Variants in ZP1 observed in about 807,000 individuals in gnomAD.
ZP1 encodes zona pellucida glycoprotein 1.
A neutral mutation model predicts 67.4 loss-of-function variants in ZP1; 58 were observed. The observed-to-expected ratio is 0.86, with a 90% CI of 0.70 to 1.07. The LOEUF is 1.07. ZP1 is among the 50% of genes least tolerant of loss of function. The probability of loss-of-function intolerance (pLI) is 0.00; values close to 1 mark genes in which losing one functional copy is unlikely to be tolerated. For synonymous variants in ZP1, 333 were observed against 332.7 expected, an observed-to-expected ratio of 1.00 and a Z score of -0.01; for missense variants, 759 against 807.3, an observed-to-expected ratio of 0.94 and a Z score of 0.72.
chr11:60,870,684 A>G, intron 4 of ZP1: 1 of 690,840 alleles, frequency 1.4e-6, no homozygotes, highest in Admixed American at 3.0e-5. Context: ...TAATAGATCT[A>G]CCTTACACAC....
intron 1 of ZP1, among the ~76,000 whole-genome samples, chr11:60,868,823 G>C (rs992136419): frequency 6.6e-5 from 10 of 152,204 alleles, no homozygotes; most frequent in Admixed American, 6.5e-5. Context: ...AAGCTTAAAA[G>C]AAGTGATGTG....
chr11:60,870,735 A>C, intron 4 of ZP1: 1 of 671,632 alleles, frequency 1.5e-6, no homozygotes, highest in South Asian at 2.0e-5. Flanking sequence ...TTTGGATGAC[A>C]GATTATATGG....
At chr11:60,872,942 G>C (rs949469681) in intron 6 of ZP1, among the ~76,000 whole-genome samples, 4 of 152,192 alleles carry the variant, frequency 2.6e-5, no homozygotes, top group African/African-American at 9.7e-5. Context: ...GGCATAACAG[G>C]CTTGAGCCAT....
intron 2 of ZP1, 112 bp from the exon 3 acceptor site, chr11:60,869,425 C>T: frequency 6.7e-7 from 1 of 1,496,806 alleles, no homozygotes; most frequent in Non-Finnish European, 8.9e-7. Context: ...TGGAATCCAC[C>T]ATGAATCCAG....
chr11:60,875,162 C>T lies in ZP1; in HGVS notation c.1688C>T (p.Thr563Ile), dbSNP rs1287056685. Reference protein sequence around the residue: ...QRRSSGHRNDTARPQDIVSSP... With the variant: ...QRRSSGHRNDIARPQDIVSSP... ...CGATCCTCAGGTCACCGTAATGACA[C>T]TGCCAGGCCCCAGGACATCGTGAGC... The change falls in exon 11 of 12, where the codon ACT (threonine) becomes ATT (isoleucine). Residue 563 changes from threonine to isoleucine, a missense_variant. Transcript: ENST00000278853. 2 of 1,613,954 alleles carry T rather than the reference C, an allele frequency of 1.2e-6. No individual in the cohort carries two copies. The highest frequency in any genetic ancestry group is 1.7e-5 in the Admixed American group (1 of 60,032).
Position 60,869,132 on chromosome 11 carries a change from T to TC in ZP1, c.197-8dup, listed in dbSNP as rs755107840. The TC allele has an allele frequency of 5.6e-6, 9 of 1,613,712 alleles. No individual in the cohort carries two copies. The African/African-American group carries it at 1.2e-4, about 22-fold the overall frequency. On this transcript the variant is annotated splice_polypyrimidine_tract_variant and intron_variant, in intron 1 of 11. Coordinates refer to ENST00000278853, the MANE Select transcript of ZP1 (RefSeq NM_207341.4). ...CTTCAACATCCCTGGCCCCTCCCCT[T>TC]CCCCCACTGCAGATGAATTTGGGAA...
chr11:60,869,158 C>T lies in ZP1; in HGVS notation c.210C>T (p.Asn70=), dbSNP rs767920495. The T allele has an allele frequency of 1.9e-6, 3 of 1,614,046 alleles. No individual in the cohort carries two copies. The African/African-American group carries it at 4.0e-5, about 22-fold the overall frequency. Residue 70 remains asparagine (N), a synonymous_variant, in exon 2 of 12, where the codon AAC becomes AAT. Transcript: ENST00000278853. ...LRFKVVDEFG[N]RFDVNNCSIC... is the part of the protein sequence containing the mutation. ...CCCCCACTGCAGATGAATTTGGGAA[C>T]CGATTTGATGTCAACAACTGCTCCA...
At chr11:60,868,904 G>A (rs772213509) in intron 1 of ZP1, among the ~76,000 whole-genome samples, 24 of 152,166 alleles carry the variant, frequency 1.6e-4, no homozygotes, top group East Asian at 3.8e-4. Context: ...GCCTGCTGCC[G>A]TGTGCTGTGA....
chr11:60,870,215 G>A, intron 3 of ZP1, 117 bp from the exon 4 acceptor site: 1 of 1,054,036 alleles, frequency 9.5e-7, no homozygotes. Context: ...TTTGAGGGAG[G>A]ACATTTACTG....
rs1330722353 is a variant in ZP1, at chr11:60,867,732, C to T, written c.171C>T (p.Gly57=). 10 of 1,613,908 alleles carry T rather than the reference C, an allele frequency of 6.2e-6. No individual in the cohort carries two copies. The highest frequency in any genetic ancestry group is 8.5e-6 in the Non-Finnish European group (10 of 1,179,894). The stretch of plus-strand genomic sequence containing the variant: ...AGCTGCTGGTGTTCCCCAGGCCAGG[C>T]CAGACTCTCCGCTTCAAGGTGGTGG... The part of the protein sequence containing the change: ...GMQLLVFPRP[G]QTLRFKVVDE... The change falls in exon 1 of 12, where the codon GGC becomes GGT. Residue 57 remains glycine (G), a synonymous_variant. Coordinates refer to ENST00000278853, the MANE Select transcript of ZP1 (RefSeq NM_207341.4).
chr11:60,871,908 G>A (rs1257851704), intron 6 of ZP1, among the ~76,000 whole-genome samples: 4 of 152,218 alleles, frequency 2.6e-5, no homozygotes, highest in Non-Finnish European at 5.9e-5. Flanking sequence ...CTGAACCTGT[G>A]TGACCAGGGG....
In ZP1 at chr11:60,875,660, G is replaced by A; in HGVS notation, c.*4G>A. ...CTGGGAAAGCAACAGACAGTGAATG[G>A]GCCCAATAAACAATCATTTCAAACC... On this transcript the variant is annotated 3_prime_UTR_variant, in exon 12 of 12. Transcript: ENST00000278853. 5 of 1,613,292 alleles carry A rather than the reference G, an allele frequency of 3.1e-6. No individual in the cohort carries two copies. The highest frequency in any genetic ancestry group is 4.2e-6 in the Non-Finnish European group (5 of 1,179,718).
chr11:60,872,871 G>A (rs1238255477), intron 6 of ZP1, among the ~76,000 whole-genome samples: 1 of 152,124 alleles, frequency 6.6e-6, no homozygotes, highest in Non-Finnish European at 1.5e-5. Context: ...ACCCAACAAG[G>A]TGCCAGCCCC....
intron 3 of ZP1, 37 bp from the exon 4 acceptor site, chr11:60,870,293 CTG>C (rs775275061): frequency 2.0e-6 from 3 of 1,482,700 alleles, no homozygotes; most frequent in Admixed American, 2.6e-5. Flanking sequence ...GATTTGCAAA[CTG>C]TGTGCCTTCA....
rs1855564888 is a variant in ZP1 at position 60,871,308 on chromosome 11, C to T, written c.1106C>T (p.Thr369Ile). Residue 369 changes from threonine (T) to isoleucine (I), a missense_variant, in exon 6 of 12, where the codon ACC becomes ATC. Transcript: ENST00000278853. ...GPQGSITRDS[T>I]FQLHVRCVFN... is the part of the protein sequence containing the mutation. ...CAGGGTTCCATCACGCGGGACAGCACCTTCCAGTAAGGGCAGCCCTCCTCC... is the reference window on the plus strand; with the variant it reads ...CAGGGTTCCATCACGCGGGACAGCATCTTCCAGTAAGGGCAGCCCTCCTCC... The T allele has an allele frequency of 6.2e-7, 1 of 1,613,702 alleles. No homozygotes were observed. The highest frequency in any genetic ancestry group is 8.5e-7 in the Non-Finnish European group (1 of 1,180,024).
intron 6 of ZP1, among the ~76,000 whole-genome samples, chr11:60,872,827 C>T (rs772895528): frequency 2.0e-5 from 3 of 152,156 alleles, no homozygotes; most frequent in African/African-American, 4.8e-5. Context: ...GGGCCTCGAA[C>T]GGCACAGCAG....
At position 60,873,795 on chromosome 11, in the gene ZP1, G is replaced by A. The variant is rs376415194; in HGVS notation, c.1572+20G>A. ...GGACTGGTAAGAAGCCCCGGCTGCC[G>A]CATGCCTGGTCCCATCTGTTAAGTG... On this transcript the variant is annotated intron_variant, in intron 9 of 11. Coordinates refer to ENST00000278853, the MANE Select transcript of ZP1 (RefSeq NM_207341.4). 5.0e-5 allele frequency: 81 copies of A among 1,612,012 alleles called. 1 individual carries two copies. The highest frequency in any genetic ancestry group is 3.6e-4 in the East Asian group (16 of 44,894).
chr11:60,875,241 G>A lies in ZP1; in HGVS notation c.1767G>A (p.Gly589=). ...EDSYGQEPTL[G]PTDSNGNSSL... ...CTTATGGGCAGGAGCCCACACTTGG[G>A]CCCACAGGTAGGAGGGCTTCTGGGT... Residue 589 remains glycine, a synonymous_variant, in exon 11 of 12, where the codon GGG becomes GGA. Coordinates refer to ENST00000278853, the MANE Select transcript of ZP1 (RefSeq NM_207341.4). 6.2e-7 allele frequency: 1 copy of A among 1,611,944 alleles called. No individual in the cohort carries two copies. The highest frequency in any genetic ancestry group is 8.5e-7 in the Non-Finnish European group (1 of 1,179,862).
Position 60,873,279 on chromosome 11 carries a change from G to C in ZP1, c.1230G>C (p.Arg410=). 6.3e-7 allele frequency: 1 copy of C among 1,583,870 alleles called. No individual in the cohort carries two copies. The highest frequency in any genetic ancestry group is 8.6e-7 in the Non-Finnish European group (1 of 1,162,020). ...TQPGPLRLEL[R]IAKDETFSSY... is the part of the protein sequence containing the mutation. ...CCGGCCCCCTGCGGCTTGAGCTGCGGATTGCCAAAGGTATGCTATGCTATC... is the reference window on the plus strand; with the variant it reads ...CCGGCCCCCTGCGGCTTGAGCTGCGCATTGCCAAAGGTATGCTATGCTATC... Residue 410 remains arginine (R), a synonymous_variant, in exon 7 of 12, where the codon CGG becomes CGC. Transcript: ENST00000278853.
Sources: allele counts gnomAD v4.1 joint callset (sites outside exome capture counted in the v4.1 genomes callset), GRCh38; gene constraint gnomAD v4.1.1; transcripts MANE v1.5; gene names NCBI Gene and HGNC (gene_info 2026-07-23, HGNC 2026-07-21).